TNRC18: variants seen among roughly 807,000 people sequenced by gnomAD.
The protein encoded by TNRC18 is trinucleotide repeat-containing gene 18 protein.
A neutral mutation model predicts 226.7 loss-of-function variants in TNRC18; 69 were observed. The observed-to-expected ratio is 0.30, with a 90% CI of 0.25 to 0.37. The LOEUF is 0.37. Ranked by LOEUF, TNRC18 falls within the 10% of genes least tolerant of loss-of-function variation. TNRC18 has a pLI of 1.00. For missense variants in TNRC18, 4,754 were observed against 4,256.6 expected, an observed-to-expected ratio of 1.12 and a Z score of -3.25; for synonymous variants, 2,449 against 1,927.6, an observed-to-expected ratio of 1.27 and a Z score of -7.09.
At position 5,309,581 on chromosome 7, in the gene TNRC18, T is replaced by C. The variant is rs1169612080; in HGVS notation, c.8389-213A>G. On this transcript the variant is annotated intron_variant, in intron 27 of 29. Coordinates refer to ENST00000430969, the MANE Select transcript of TNRC18 (RefSeq NM_001080495.3). The surrounding 1 kb of genome is among the most constrained non-coding windows in gnomAD (Gnocchi z 5.7). ...GCTGGGTCTCCAAGAGGCGCTTCCC[T>C]TGATCTAAGCATTCTGCCGCTACAA... Among the ~76,000 whole-genome samples the C allele has an allele frequency of 2.0e-5, 3 of 152,268 alleles. No homozygotes were observed. Among genetic ancestry groups the C allele is most frequent in the Non-Finnish European group, 2.9e-5 (2 of 68,054 alleles).
At chr7:5,335,896 C>A (rs1056012313) in intron 18 of TNRC18, among the ~76,000 whole-genome samples, 17 of 150,544 alleles carry the variant, frequency 1.1e-4, no homozygotes, top group Non-Finnish European at 2.4e-4. Flanking sequence ...CCCACAATGT[C>A]CAAGATACAG....
rs1276460971 is a variant in TNRC18, at chr7:5,357,210, G to C, written c.4900C>G (p.Leu1634Val). Residue 1634 changes from leucine to valine, a missense_variant, in exon 16 of 30, where the codon CTC becomes GTC. Transcript: ENST00000430969. ...AACTTGTCCTGCTTGGTGAGGGAGA[G>C]GGCCTTGTCGAGCTTGCTTGCCAAC... Reference protein sequence around the residue: ...EQLASKLDKALSLTKQDKLKS... With the variant: ...EQLASKLDKAVSLTKQDKLKS... 1.9e-6 allele frequency: 3 copies of C among 1,611,958 alleles called. No homozygotes were observed. The highest frequency in any genetic ancestry group is 2.5e-6 in the Non-Finnish European group (3 of 1,179,274).
chr7:5,333,437 C>T (rs1463094088), intron 18 of TNRC18, among the ~76,000 whole-genome samples: 1 of 152,222 alleles, frequency 6.6e-6, no homozygotes, highest in African/African-American at 2.4e-5. Context: ...CGCAGAGAAT[C>T]CCCAAGCCCC....
chr7:5,321,396 G>A (rs185483543), intron 21 of TNRC18, among the ~76,000 whole-genome samples: 5 of 152,224 alleles, frequency 3.3e-5, no homozygotes, highest in Non-Finnish European at 5.9e-5. Flanking sequence ...ACAGGGTGCC[G>A]TGGCCAGCCC....
chr7:5,365,395 G>A (rs1364748489), intron 11 of TNRC18, among the ~76,000 whole-genome samples: 1 of 152,048 alleles, frequency 6.6e-6, no homozygotes, highest in Non-Finnish European at 1.5e-5. Flanking sequence ...TTACAGGCGT[G>A]AGCCACCGTG....
At position 5,394,794 on chromosome 7, in the gene TNRC18, C is replaced by T. The variant is rs1332654117; in HGVS notation, c.188-199G>A. ...CAAGATGGTCCTGGATCAACCCAAC[C>T]AGACCCAGGGCTTGAGAAAGCACAA... On this transcript the variant is annotated intron_variant, in intron 2 of 29. Coordinates refer to ENST00000430969, the MANE Select transcript of TNRC18 (RefSeq NM_001080495.3). This position sits in a 1 kb window ranked among gnomAD's most constrained non-coding sequence, Gnocchi z 4.5. Among the ~76,000 whole-genome samples the T allele has an allele frequency of 6.6e-6, 1 of 152,140 alleles. No homozygotes were observed. The highest frequency in any genetic ancestry group is 1.5e-5 in the Non-Finnish European group (1 of 68,024).
At position 5,359,416 on chromosome 7, in the gene TNRC18, C is replaced by G; in HGVS notation, c.4815G>C (p.Ser1605=). 12 of 1,613,976 alleles carry G rather than the reference C, an allele frequency of 7.4e-6. No individual in the cohort carries two copies. The highest frequency in any genetic ancestry group is 1.6e-4 in the Middle Eastern group (1 of 6,062). ...TACTCACCTGACTGATGAAGTCCGA[C>G]GAGGCCTCATGTTCATCCCAAGTCT... The part of the protein sequence containing the change: ...RNQTWDEHEA[S]SDFISQLKIK... The change falls in exon 15 of 30, where the codon TCG becomes TCC. Residue 1605 remains serine, a synonymous_variant. Coordinates refer to ENST00000430969, the MANE Select transcript of TNRC18 (RefSeq NM_001080495.3).
intron 17 of TNRC18, among the ~76,000 whole-genome samples, chr7:5,349,545 G>A (rs1362058168): frequency 2.0e-5 from 3 of 152,200 alleles, no homozygotes; most frequent in Non-Finnish European, 1.5e-5. Flanking sequence ...CGGTGGGGGC[G>A]AACCCCGAGG....
intron 2 of TNRC18, among the ~76,000 whole-genome samples, chr7:5,403,891 T>C (rs1781284182): frequency 6.6e-6 from 1 of 152,126 alleles, no homozygotes. Context: ...AAAGGCATTA[T>C]TCTGGCCCTA....
At chr7:5,343,426 T>C (rs1790870082) in intron 18 of TNRC18, among the ~76,000 whole-genome samples, 1 of 152,178 alleles carries the variant, frequency 6.6e-6, no homozygotes, top group Non-Finnish European at 1.5e-5. Flanking sequence ...GCTTTTGGTT[T>C]GGTCTTTTAT....
At position 5,357,259 on chromosome 7, in the gene TNRC18, C is replaced by A. The variant is rs1244318932; in HGVS notation, c.4851G>T (p.Lys1617Asn). The change falls in exon 16 of 30, where the codon AAG (lysine) becomes AAT (asparagine). Residue 1617 changes from lysine (K) to asparagine (N), a missense_variant. Physicochemically the swap from Lys to Asn is moderately conservative, Grantham distance 94 (BLOSUM62 0). Coordinates refer to ENST00000430969, the MANE Select transcript of TNRC18 (RefSeq NM_001080495.3). ...ACTGCTCCTGGTCGCTGGCCATCTT[C>A]TTCTTCTTAATCTTTAGCTGGAGAG... ...DFISQLKIKKKKMASDQEQLA... is the reference protein window; with the variant it reads ...DFISQLKIKKNKMASDQEQLA... 4.3e-6 allele frequency: 7 copies of A among 1,611,042 alleles called. No homozygotes were observed. The highest frequency in any genetic ancestry group is 1.1e-5 in the South Asian group (1 of 90,244).
chr7:5,312,716 C>T lies in TNRC18; in HGVS notation c.8175G>A (p.Gln2725=), dbSNP rs773131123. 4.1e-5 allele frequency: 65 copies of T among 1,574,828 alleles called. No individual in the cohort carries two copies. The highest frequency in any genetic ancestry group is 4.5e-5 in the Non-Finnish European group (52 of 1,163,292). The change falls in exon 27 of 30, where the codon CAG becomes CAA. Residue 2725 remains glutamine (Q), a synonymous_variant. Coordinates refer to ENST00000430969, the MANE Select transcript of TNRC18 (RefSeq NM_001080495.3). The surrounding 1 kb of genome is among the most constrained non-coding windows in gnomAD (Gnocchi z 6.3). ...TGGGCTGCGGAGGAGGCGCCTGGGG[C>T]TGGGGCGCGGGCGTCTTCTTGCCTG... The part of the protein sequence containing the change: ...HSPGKKTPAP[Q]PQAPPPQPTQ...
In TNRC18 at chr7:5,401,261, T is replaced by C. The variant is rs539013986; in HGVS notation, c.188-6666A>G. 1.1e-3 allele frequency among the ~76,000 whole-genome samples: 163 copies of C among 151,132 alleles called. 1 individual carries two copies. Among genetic ancestry groups the C allele is most frequent in the African/African-American group, 3.1e-3 (130 of 41,296 alleles). ...GCGGGGGGGCTGCATGTGATCATGA[T>C]AGGGATATAAGTTCCTTAAACAGCA... On this transcript the variant is annotated intron_variant, in intron 2 of 29. Coordinates refer to ENST00000430969, the MANE Select transcript of TNRC18 (RefSeq NM_001080495.3).
intron 2 of TNRC18, among the ~76,000 whole-genome samples, chr7:5,416,318 G>C (rs1214642271): frequency 6.6e-6 from 1 of 151,640 alleles, no homozygotes; most frequent in Non-Finnish European, 1.5e-5. Context: ...GGGAGGCTGA[G>C]GCAGGAGAAT....
At chr7:5,311,197 C>CGT (rs911278112) in intron 27 of TNRC18, among the ~76,000 whole-genome samples, 9 of 151,738 alleles carry the variant, frequency 5.9e-5, no homozygotes, top group Non-Finnish European at 1.2e-4. Context: ...CACATATGTG[C>CGT]GTGTGTGTGT....
At chr7:5,349,345 G>A (rs941239602) in intron 17 of TNRC18, among the ~76,000 whole-genome samples, 1 of 152,214 alleles carries the variant, frequency 6.6e-6, no homozygotes, top group South Asian at 2.1e-4. Context: ...AATGCAGCTT[G>A]CCGAGGGCTG....
At chr7:5,351,040 A>T (rs755570919) in intron 17 of TNRC18, among the ~76,000 whole-genome samples, 7 of 152,180 alleles carry the variant, frequency 4.6e-5, no homozygotes, top group Non-Finnish European at 8.8e-5. Flanking sequence ...AAGACAAAAC[A>T]AGCAACTAAA....
chr7:5,363,958 G>T (rs945787916), intron 11 of TNRC18, among the ~76,000 whole-genome samples: 4 of 152,032 alleles, frequency 2.6e-5, no homozygotes, highest in Admixed American at 2.6e-4. Context: ...TTCCAGAAAT[G>T]ATTATGCATA....
chr7:5,344,790 G>A (rs1310017759), intron 18 of TNRC18, among the ~76,000 whole-genome samples: 1 of 152,316 alleles, frequency 6.6e-6, no homozygotes, highest in South Asian at 2.1e-4. Flanking sequence ...AGCTGCAGGT[G>A]AGCTGCGTCC....
Sources: gnomAD v4.1 joint callset for allele counts (sites outside exome capture counted in the v4.1 genomes callset) on GRCh38, gnomAD v4.1.1 for gene constraint, Gnocchi (gnomAD v3.1) non-coding constraint, MANE v1.5 for transcripts, NCBI Gene and HGNC (gene_info 2026-07-23, HGNC 2026-07-21) for gene names.